The following LRP1B variants were observed in gnomAD, a reference collection of about 807,000 sequenced individuals.
LRP1B encodes low-density lipoprotein receptor-related protein 1B.
In LRP1B, 217 loss-of-function variants were observed where a neutral mutation model predicts 556.6. The observed-to-expected ratio is 0.39, with a 90% CI of 0.35 to 0.44. The LOEUF is 0.44. Ranked by LOEUF, LRP1B falls within the 20% of genes least tolerant of loss-of-function variation. LRP1B has a pLI of 1.00. For synonymous variants in LRP1B, 2,047 were observed against 1,865.8 expected (o/e 1.10, Z -2.50); for missense variants, 5,053 against 5,620.8 (o/e 0.90, Z 3.23).
intron 43 of LRP1B, among the ~76,000 whole-genome samples, 153 bp downstream of exon 43, chr2:140,598,478 A>G (rs1682527894): frequency 6.6e-6 from 1 of 152,168 alleles, no homozygotes. Flanking sequence ...CAATTTTCTT[A>G]TGTGTGTGAT....
At chr2:141,920,192 T>C (rs1418948251) in intron 1 of LRP1B, among the ~76,000 whole-genome samples, 3 of 149,298 alleles carry the variant, frequency 2.0e-5, no homozygotes, top group African/African-American at 7.3e-5. Context: ...ATTAAAATTA[T>C]CTATCAAAAA....
intron 1 of LRP1B, among the ~76,000 whole-genome samples, chr2:141,858,283 A>AT (rs1367908172): frequency 6.6e-6 from 1 of 152,152 alleles, no homozygotes; most frequent in African/African-American, 2.4e-5. Flanking sequence ...AGTTCTTTAG[A>AT]TTTTCATCTT....
intron 3 of LRP1B, among the ~76,000 whole-genome samples, chr2:141,321,295 C>T (rs1205291578): frequency 6.6e-6 from 1 of 151,994 alleles, no homozygotes; most frequent in African/African-American, 2.4e-5. Flanking sequence ...CAAACATTGG[C>T]TTGTAAAACT....
At chr2:140,345,751 C>T (rs1469329915) in intron 77 of LRP1B, among the ~76,000 whole-genome samples, 2 of 119,738 alleles carry the variant, frequency 1.7e-5, no homozygotes, top group South Asian at 2.3e-4. Context: ...TATATATACA[C>T]ATATATACAT....
intron 3 of LRP1B, among the ~76,000 whole-genome samples, chr2:141,258,583 T>A (rs2105347405): frequency 6.6e-6 from 1 of 152,282 alleles, no homozygotes; most frequent in South Asian, 2.1e-4. Context: ...TAAGGTATCT[T>A]TTTATGACCT....
chr2:140,857,842 C>A (rs1692664646), intron 27 of LRP1B, among the ~76,000 whole-genome samples: 2 of 151,932 alleles, frequency 1.3e-5, no homozygotes. Flanking sequence ...GGAAATGTGT[C>A]TTAAAATACC....
chr2:140,963,895 C>T (rs559191755), intron 18 of LRP1B, among the ~76,000 whole-genome samples: 4 of 152,174 alleles, frequency 2.6e-5, no homozygotes, highest in African/African-American at 9.6e-5. Flanking sequence ...TCCCTGTGTG[C>T]GGCGACGAGA....
At chr2:141,437,117 C>T (rs1419074380) in intron 3 of LRP1B, among the ~76,000 whole-genome samples, 1 of 152,102 alleles carries the variant, frequency 6.6e-6, no homozygotes, top group Non-Finnish European at 1.5e-5. Flanking sequence ...CCTTTCTCCC[C>T]TGGCTAAGCA....
At chr2:140,867,065 A>G (rs1692972901) in intron 27 of LRP1B, among the ~76,000 whole-genome samples, 1 of 152,084 alleles carries the variant, frequency 6.6e-6, no homozygotes, top group African/African-American at 2.4e-5. Context: ...GGGATACCTC[A>G]TGGTATCCCA....
chr2:141,395,829 G>A (rs1018318962), intron 3 of LRP1B, among the ~76,000 whole-genome samples: 1 of 152,100 alleles, frequency 6.6e-6, no homozygotes, highest in Admixed American at 6.6e-5. Flanking sequence ...GAAGGAAACA[G>A]GGGAGAGATA....
At chr2:140,570,359 C>T (rs973805121) in intron 43 of LRP1B, among the ~76,000 whole-genome samples, 2 of 151,310 alleles carry the variant, frequency 1.3e-5, no homozygotes, top group East Asian at 1.9e-4. Context: ...ACTGTTACCA[C>T]AGAAATACAA....
intron 86 of LRP1B, among the ~76,000 whole-genome samples, chr2:140,257,507 C>T (rs1021568660): frequency 3.3e-5 from 5 of 152,110 alleles, no homozygotes; most frequent in Non-Finnish European, 7.4e-5. Flanking sequence ...TAAGCAGTGC[C>T]ACTTGTACCT....
At chr2:141,810,165 G>GAAAGAAAGAAAT (rs1217792565) in intron 2 of LRP1B, 114 bp downstream of exon 2, 6 of 365,398 alleles carry the variant, frequency 1.6e-5, no homozygotes, top group Non-Finnish European at 2.2e-5. Flanking sequence ...AAGAAAGAAA[G>GAAAGAAAGAAAT]AAGGAAAGAA....
chr2:141,592,888 G>A (rs1387815831), intron 2 of LRP1B, among the ~76,000 whole-genome samples: 1 of 152,098 alleles, frequency 6.6e-6, no homozygotes, highest in Non-Finnish European at 1.5e-5. Context: ...CTTGTCTGAT[G>A]GGCAAGGTCA....
At chr2:141,415,219 T>C (rs1398574848) in intron 3 of LRP1B, among the ~76,000 whole-genome samples, 1 of 152,112 alleles carries the variant, frequency 6.6e-6, no homozygotes, top group Non-Finnish European at 1.5e-5. Context: ...TTCACCGTAT[T>C]AGACAGGATG....
At chr2:141,533,362 G>A (rs1054278754) in intron 2 of LRP1B, among the ~76,000 whole-genome samples, 4 of 151,968 alleles carry the variant, frequency 2.6e-5, no homozygotes, top group African/African-American at 9.7e-5. Context: ...AGCCTTCTCC[G>A]TGTTCTTTTA....
intron 7 of LRP1B, among the ~76,000 whole-genome samples, chr2:141,106,993 T>C (rs1390817078): frequency 6.6e-6 from 1 of 152,172 alleles, no homozygotes; most frequent in Non-Finnish European, 1.5e-5. Context: ...GTTTTTTTTT[T>C]CTTTGCATTG....
chr2:142,003,180 A>T (rs565471885), intron 1 of LRP1B, among the ~76,000 whole-genome samples: 10 of 152,372 alleles, frequency 6.6e-5, no homozygotes, highest in African/African-American at 2.4e-4. Flanking sequence ...AATCAACGTG[A>T]TTCCATAAAA....
chr2:141,738,367 A>G (rs959779131), intron 2 of LRP1B, among the ~76,000 whole-genome samples: 6 of 152,162 alleles, frequency 3.9e-5, no homozygotes, highest in Non-Finnish European at 8.8e-5. Context: ...TGTAAGACAC[A>G]CACATACACA....
Sources: allele counts gnomAD v4.1 joint callset (sites outside exome capture counted in the v4.1 genomes callset), GRCh38; gene constraint gnomAD v4.1.1; transcripts MANE v1.5; gene names NCBI Gene and HGNC (gene_info 2026-07-23, HGNC 2026-07-21).